THSD7A: variants seen among roughly 807,000 people sequenced by gnomAD.
THSD7A encodes the protein thrombospondin type-1 domain-containing protein 7A.
Under a neutral mutation model 231.3 loss-of-function variants are expected in THSD7A, and 96 were observed. The ratio of observed to expected loss-of-function variants is 0.41; its 90% CI spans 0.35 to 0.49. The LOEUF (loss-of-function observed/expected upper bound fraction) is 0.49, where lower values mean the gene tolerates loss of function less well. Among genes scored for constraint, THSD7A ranks in the 20% least tolerant of loss-of-function variants. The probability of loss-of-function intolerance (pLI) is 0.05; values close to 1 mark genes in which losing one functional copy is unlikely to be tolerated. For missense variants in THSD7A, 2,290 were observed against 2,070.2 expected (o/e 1.11, Z -2.06); for synonymous variants, 940 against 743.3 (o/e 1.26, Z -4.30).
rs372947886 is a variant in THSD7A, at chr7:11,458,392, C to T, written c.2605+2270G>A. Reference sequence around the variant, plus strand: ...TGTTTCTATAGAAATATAAGCTGTACGAAAAAGCAGTCTTTCATCTACTCA... The same window carrying T: ...TGTTTCTATAGAAATATAAGCTGTATGAAAAAGCAGTCTTTCATCTACTCA... On this transcript the variant is annotated intron_variant, in intron 11 of 27. Transcript: ENST00000423059. 2.9e-3 allele frequency among the ~76,000 whole-genome samples: 436 copies of T among 151,912 alleles called. 1 individual carries two copies. The highest frequency in any genetic ancestry group is 4.4e-3 in the Non-Finnish European group (302 of 67,908).
intron 2 of THSD7A, among the ~76,000 whole-genome samples, chr7:11,602,515 C>T (rs190298052): frequency 3.4e-3 from 517 of 151,984 alleles, no homozygotes; most frequent in Non-Finnish European, 5.6e-3. Flanking sequence ...TTTCAAATTA[C>T]GTATTAGAAT....
At chr7:11,771,715 A>G (rs979877491) in intron 1 of THSD7A, among the ~76,000 whole-genome samples, 3 of 152,098 alleles carry the variant, frequency 2.0e-5, no homozygotes, top group Non-Finnish European at 4.4e-5. Context: ...TAAGGTTTGG[A>G]TCTATCTCCT....
chr7:11,433,766 T>TTGAAATATTA (rs1421711351), intron 13 of THSD7A, among the ~76,000 whole-genome samples: 2 of 152,082 alleles, frequency 1.3e-5, no homozygotes, highest in African/African-American at 4.8e-5. Flanking sequence ...TTGTTTTTGA[T>TTGAAATATTA]TGAAATATTA....
At chr7:11,502,909 T>C (rs1333816100) in intron 6 of THSD7A, among the ~76,000 whole-genome samples, 1 of 152,194 alleles carries the variant, frequency 6.6e-6, no homozygotes, top group Non-Finnish European at 1.5e-5. Flanking sequence ...ATGTTATTCC[T>C]ATCAATCCAT....
intron 1 of THSD7A, among the ~76,000 whole-genome samples, chr7:11,656,510 C>T (rs568493331): frequency 6.6e-5 from 10 of 151,804 alleles, no homozygotes; most frequent in South Asian, 2.1e-4. Context: ...CGTTCTCTAC[C>T]GGAATTTATT....
At chr7:11,461,788 G>T (rs146024164) in intron 10 of THSD7A, among the ~76,000 whole-genome samples, 1 of 152,098 alleles carries the variant, frequency 6.6e-6, no homozygotes, top group Non-Finnish European at 1.5e-5. Flanking sequence ...GAGCTAACAC[G>T]TCACCTTGGA....
At chr7:11,471,187 A>T (rs1785923431) in intron 8 of THSD7A, among the ~76,000 whole-genome samples, 1 of 152,026 alleles carries the variant, frequency 6.6e-6, no homozygotes, top group Admixed American at 6.6e-5. Flanking sequence ...ATTCCTAAGC[A>T]ATTCTCTTTT....
chr7:11,773,035 A>C (rs1048031083), intron 1 of THSD7A, among the ~76,000 whole-genome samples: 4 of 152,208 alleles, frequency 2.6e-5, no homozygotes, highest in African/African-American at 9.6e-5. Flanking sequence ...AATATTAATG[A>C]AATAGAATGA....
At chr7:11,386,722 C>A (rs1016449063) in intron 23 of THSD7A, among the ~76,000 whole-genome samples, 28 of 152,150 alleles carry the variant, frequency 1.8e-4, no homozygotes, top group Non-Finnish European at 3.8e-4. Context: ...TAATTAGATC[C>A]CATTTGTCAA....
chr7:11,532,541 A>C (rs928929769), intron 6 of THSD7A, among the ~76,000 whole-genome samples: 1 of 152,148 alleles, frequency 6.6e-6, no homozygotes, highest in Non-Finnish European at 1.5e-5. Flanking sequence ...GGCAGAGTCT[A>C]TTTTCCTACC....
intron 6 of THSD7A, among the ~76,000 whole-genome samples, chr7:11,519,037 C>T (rs563175464): frequency 5.3e-5 from 8 of 152,110 alleles, no homozygotes; most frequent in South Asian, 4.2e-4. Flanking sequence ...CTTTGGAGTT[C>T]GGCATATCTG....
intron 1 of THSD7A, among the ~76,000 whole-genome samples, chr7:11,705,415 C>G (rs770893251): frequency 2.0e-5 from 3 of 150,996 alleles, no homozygotes; most frequent in Non-Finnish European, 4.5e-5. Flanking sequence ...GTTGCATCTT[C>G]TACTTCTGGA....
intron 7 of THSD7A, among the ~76,000 whole-genome samples, chr7:11,475,565 CAT>C (rs929359852): frequency 6.8e-6 from 1 of 148,014 alleles, no homozygotes; most frequent in African/African-American, 2.5e-5. Context: ...ATATATATAA[CAT>C]ATATGTATAT....
intron 2 of THSD7A, among the ~76,000 whole-genome samples, chr7:11,602,164 A>T (rs1324876115): frequency 2.0e-5 from 3 of 152,152 alleles, no homozygotes; most frequent in Non-Finnish European, 2.9e-5. Context: ...GACAAACCAG[A>T]TATATTTTTC....
At chr7:11,660,130 G>T (rs1782872504) in intron 1 of THSD7A, among the ~76,000 whole-genome samples, 1 of 151,538 alleles carries the variant, frequency 6.6e-6, no homozygotes, top group Admixed American at 6.6e-5. Context: ...AATATAGCAA[G>T]AAAGCCAATT....
In THSD7A at chr7:11,741,868, TG is replaced by T. The variant is rs1182608156; in HGVS notation, c.190+89888del. On this transcript the variant is annotated intron_variant, in intron 1 of 27. Transcript: ENST00000423059. ...ACCTTAAGTTTGTATACCATTTAACTGCTTCCAAAGCTCATGTATATACACT... is the reference window on the plus strand; with the variant it reads ...ACCTTAAGTTTGTATACCATTTAACTCTTCCAAAGCTCATGTATATACACT... Among the ~76,000 whole-genome samples, 14 of 152,078 alleles carry T rather than the reference TG, an allele frequency of 9.2e-5. No individual in the cohort carries two copies. The East Asian group carries it at 2.5e-3, about 27-fold the overall frequency.
chr7:11,511,132 G>A lies in THSD7A; in HGVS notation c.1823-29150C>T, dbSNP rs557302681. ...GCAAAAATCACAAGCATTCCTATACGCCAATAACAGACAAGCAGAGAGCCA... is the reference window on the plus strand; with the variant it reads ...GCAAAAATCACAAGCATTCCTATACACCAATAACAGACAAGCAGAGAGCCA... On this transcript the variant is annotated intron_variant, in intron 6 of 27. Transcript: ENST00000423059. 9.2e-5 allele frequency among the ~76,000 whole-genome samples: 14 copies of A among 152,056 alleles called. 1 individual carries two copies. The highest frequency in any genetic ancestry group is 2.2e-4 in the African/African-American group (9 of 41,516).
chr7:11,494,055 TG>T (rs1253527626), intron 6 of THSD7A, among the ~76,000 whole-genome samples: 1 of 152,074 alleles, frequency 6.6e-6, no homozygotes, highest in Non-Finnish European at 1.5e-5. Context: ...GTGGGAATTT[TG>T]CTCCTATAGA....
intron 4 of THSD7A, among the ~76,000 whole-genome samples, chr7:11,555,118 A>C (rs1789791808): frequency 6.6e-6 from 1 of 150,652 alleles, no homozygotes; most frequent in Non-Finnish European, 1.5e-5. Context: ...TTTATTATTT[A>C]CTTCTTTCCT....
Sources: allele counts gnomAD v4.1 joint callset (sites outside exome capture counted in the v4.1 genomes callset), GRCh38; gene constraint gnomAD v4.1.1; transcripts MANE v1.5; gene names NCBI Gene and HGNC (gene_info 2026-07-23, HGNC 2026-07-21).